The following NUP98 variants were observed in gnomAD, a reference collection of about 807,000 sequenced individuals.
NUP98 encodes nuclear pore complex protein Nup98-Nup96.
Under a neutral mutation model 191.9 loss-of-function variants are expected in NUP98, and 26 were observed. The observed-to-expected ratio is 0.14, with a 90% CI of 0.10 to 0.19. The LOEUF (loss-of-function observed/expected upper bound fraction) is 0.19, where lower values mean the gene tolerates loss of function less well. NUP98 is among the 10% of genes least tolerant of loss of function. NUP98 has a pLI of 1.00. For missense variants in NUP98, 1,941 were observed against 2,178.8 expected (o/e 0.89, Z 2.17); for synonymous variants, 808 against 778.4 (o/e 1.04, Z -0.63).
At chr11:3,725,819 T>C (rs2079596394) in intron 14 of NUP98, among the ~76,000 whole-genome samples, 1 of 152,210 alleles carries the variant, frequency 6.6e-6, no homozygotes, top group African/African-American at 2.4e-5. Context: ...GGTTTTTCTC[T>C]TTTTTCTTTA....
At chr11:3,786,995 T>G (rs10767588) in intron 1 of NUP98, among the ~76,000 whole-genome samples, 26,431 of 152,228 alleles carry the variant, frequency 0.17, 2,499 homozygotes, top group Non-Finnish European at 0.22. Flanking sequence ...ATGGACTGTA[T>G]AGTACTTCCT....
intron 13 of NUP98, among the ~76,000 whole-genome samples, chr11:3,733,241 TG>T (rs2079912632): frequency 6.6e-6 from 1 of 152,236 alleles, no homozygotes; most frequent in Non-Finnish European, 1.5e-5. Context: ...TCTTATGATT[TG>T]CCTATTCTGG....
At chr11:3,738,738 A>AC (rs2080167810) in intron 12 of NUP98, among the ~76,000 whole-genome samples, 1 of 144,568 alleles carries the variant, frequency 6.9e-6, no homozygotes. Context: ...AGATGGTGCC[A>AC]CAGCACTCCA....
chr11:3,794,025 T>G (rs992653282), intron 1 of NUP98, among the ~76,000 whole-genome samples: 1 of 152,162 alleles, frequency 6.6e-6, no homozygotes, highest in Non-Finnish European at 1.5e-5. Context: ...AGTAGTAGTC[T>G]CAATCAAGGG....
At chr11:3,685,459 A>G (rs2078109289) in intron 29 of NUP98, among the ~76,000 whole-genome samples, 2 of 152,246 alleles carry the variant, frequency 1.3e-5, no homozygotes, top group African/African-American at 4.8e-5. Flanking sequence ...CAGCTCAGAC[A>G]GCACTATTTC....
At chr11:3,677,411 T>TTC (rs33975126) in intron 31 of NUP98, among the ~76,000 whole-genome samples, 1 of 21,416 alleles carries the variant, frequency 4.7e-5, no homozygotes, top group Non-Finnish European at 3.1e-4. Flanking sequence ...GTAACATAGG[T>TTC]TTTTTTTTTT....
chr11:3,756,398 A>T (rs1366575384), intron 10 of NUP98, among the ~76,000 whole-genome samples: 1 of 152,206 alleles, frequency 6.6e-6, no homozygotes, highest in African/African-American at 2.4e-5. Context: ...CAACTCAGAT[A>T]AAGATGACAC....
intron 16 of NUP98, among the ~76,000 whole-genome samples, chr11:3,722,105 CTTTT>C (rs923606079): frequency 1.8e-5 from 2 of 108,260 alleles, no homozygotes; most frequent in Non-Finnish European, 1.9e-5. Flanking sequence ...ACCTGGAATT[CTTTT>C]TTTTTTTTTT....
chr11:3,744,182 T>G (rs985813162), intron 12 of NUP98, among the ~76,000 whole-genome samples: 1 of 152,190 alleles, frequency 6.6e-6, no homozygotes, highest in East Asian at 1.9e-4. Context: ...TGAGCTAAAT[T>G]CTCATCTACC....
At chr11:3,701,452 G>C (rs947219007) in intron 23 of NUP98, among the ~76,000 whole-genome samples, 7 of 151,838 alleles carry the variant, frequency 4.6e-5, no homozygotes, top group Non-Finnish European at 8.8e-5. Flanking sequence ...AGTAGAGACA[G>C]GGTTTTACCA....
At chr11:3,680,498 G>C (rs535045846) in intron 30 of NUP98, among the ~76,000 whole-genome samples, 2 of 152,242 alleles carry the variant, frequency 1.3e-5, no homozygotes, top group South Asian at 2.1e-4. Context: ...CCATACTCCT[G>C]TTATTTAATG....
In NUP98 at chr11:3,761,726, C is replaced by T. The variant is rs191632049; in HGVS notation, c.1087-1100G>A. Among the ~76,000 whole-genome samples, 155 of 151,944 alleles carry T rather than the reference C, an allele frequency of 1.0e-3. 1 individual carries two copies. In the East Asian group the frequency reaches 0.025, roughly 25 times the overall value. On this transcript the variant is annotated intron_variant, in intron 9 of 32. Transcript: ENST00000324932. ...TGAGCCGAGATCGCACGCCACTGTA[C>T]TCCAGCCTGGGCAACAGGCGAGACT...
intron 23 of NUP98, among the ~76,000 whole-genome samples, chr11:3,701,670 TTTTTTC>T (rs1008754021): frequency 7.2e-5 from 11 of 151,908 alleles, no homozygotes; most frequent in Admixed American, 3.3e-4. Flanking sequence ...GACATTGTTG[TTTTTTC>T]TTTTTCTTTT....
At chr11:3,735,569 T>G (rs1164521004) in intron 12 of NUP98, among the ~76,000 whole-genome samples, 1 of 152,064 alleles carries the variant, frequency 6.6e-6, no homozygotes, top group Non-Finnish European at 1.5e-5. Flanking sequence ...ATAAATTCAC[T>G]TACACAGTGT....
At chr11:3,704,246 T>C (rs2078793416) in intron 22 of NUP98, among the ~76,000 whole-genome samples, 1 of 152,244 alleles carries the variant, frequency 6.6e-6, no homozygotes, top group Non-Finnish European at 1.5e-5. Flanking sequence ...ATTTAGTTTT[T>C]AAAGCAATAT....
intron 26 of NUP98, among the ~76,000 whole-genome samples, chr11:3,695,238 G>A (rs1385851391): frequency 6.6e-6 from 1 of 152,176 alleles, no homozygotes; most frequent in East Asian, 1.9e-4. Context: ...TATATGATAT[G>A]GGATATGATA....
At chr11:3,682,297 T>C (rs751235016) in intron 30 of NUP98, among the ~76,000 whole-genome samples, 5 of 152,228 alleles carry the variant, frequency 3.3e-5, no homozygotes, top group Admixed American at 6.5e-5. Context: ...CTTCAAGAAC[T>C]TTCCTTTAAC....
chr11:3,781,889 TAA>T (rs1371938918), intron 2 of NUP98, among the ~76,000 whole-genome samples, 151 bp downstream of exon 2: 2 of 152,192 alleles, frequency 1.3e-5, no homozygotes, highest in African/African-American at 2.4e-5. Context: ...TAAAAACTGT[TAA>T]AGAGATCTTA....
intron 20 of NUP98, 186 bp downstream of exon 20, chr11:3,712,378 C>G: frequency 1.4e-6 from 2 of 1,395,526 alleles, no homozygotes; most frequent in Non-Finnish European, 1.9e-6. Context: ...CTTTAAATCT[C>G]TCCAGTAAAA....
Sources: allele counts gnomAD v4.1 joint callset (sites outside exome capture counted in the v4.1 genomes callset), GRCh38; gene constraint gnomAD v4.1.1; transcripts MANE v1.5; gene names NCBI Gene and HGNC (gene_info 2026-07-23, HGNC 2026-07-21).